Variants in UIMC1 observed in about 807,000 individuals in gnomAD.
UIMC1 encodes the protein ubiquitin interaction motif containing 1.
UIMC1 carries 42 observed loss-of-function variants against 84.9 expected under a neutral mutation model. The ratio of observed to expected loss-of-function variants is 0.49; its 90% CI spans 0.39 to 0.64. The LOEUF (loss-of-function observed/expected upper bound fraction) is 0.64, where lower values mean the gene tolerates loss of function less well. UIMC1 is among the 30% of genes least tolerant of loss of function. The pLI, the probability that UIMC1 is intolerant of heterozygous loss-of-function variation, is 0.00. For missense variants in UIMC1, 825 were observed against 847.6 expected, an observed-to-expected ratio of 0.97 and a Z score of 0.33; for synonymous variants, 281 against 293.0, an observed-to-expected ratio of 0.96 and a Z score of 0.42.
intron 2 of UIMC1, among the ~76,000 whole-genome samples, chr5:176,981,923 A>G (rs1029831882): frequency 2.6e-5 from 4 of 152,226 alleles, no homozygotes; most frequent in Non-Finnish European, 4.4e-5. Flanking sequence ...GGATAAAGGA[A>G]AAAGGTTACA....
chr5:176,908,698 T>C lies in UIMC1; in HGVS notation c.1677-4A>G, dbSNP rs751679826. On this transcript the variant is annotated splice_polypyrimidine_tract_variant and splice_region_variant and intron_variant, in intron 11 of 14. Coordinates refer to ENST00000511320, the MANE Select transcript of UIMC1 (RefSeq NM_001199298.2). The stretch of plus-strand genomic sequence containing the variant: ...ACAGAGGTAACACTTCTCATTCCTA[T>C]CCAATAAGAAAAAAGGAAGAAAACA... 1.2e-6 allele frequency: 2 copies of C among 1,607,426 alleles called. No individual in the cohort carries two copies. The highest frequency in any genetic ancestry group is 1.7e-6 in the Non-Finnish European group (2 of 1,176,490).
intron 8 of UIMC1, among the ~76,000 whole-genome samples, chr5:176,953,491 C>CACAA (rs1327736222): frequency 7.1e-6 from 1 of 140,348 alleles, no homozygotes; most frequent in African/African-American, 2.8e-5. Context: ...GAAAACTGGA[C>CACAA]ACATACACAC....
chr5:177,001,523 T>C (rs1419422397), intron 1 of UIMC1: 4 of 152,286 alleles, frequency 2.6e-5, no homozygotes, highest in African/African-American at 7.2e-5. Context: ...CAGAACGTTA[T>C]CTTAGGTTTA....
chr5:176,947,635 G>A (rs1428010254), intron 9 of UIMC1, among the ~76,000 whole-genome samples: 27 of 151,378 alleles, frequency 1.8e-4, no homozygotes, highest in African/African-American at 9.8e-5. Context: ...TGGCTAACAC[G>A]GTGAAACCCC....
chr5:176,987,218 T>C (rs1184962472), intron 1 of UIMC1, among the ~76,000 whole-genome samples: 1 of 151,920 alleles, frequency 6.6e-6, no homozygotes, highest in Non-Finnish European at 1.5e-5. Context: ...CGAAACTCCA[T>C]CTCAAAACAA....
intron 3 of UIMC1, among the ~76,000 whole-genome samples, chr5:176,974,849 T>G (rs1769815690): frequency 6.6e-6 from 1 of 151,818 alleles, no homozygotes; most frequent in Admixed American, 6.6e-5. Flanking sequence ...AAAAACAGAT[T>G]TTGCTGCTCT....
chr5:176,930,945 T>C lies in UIMC1; in HGVS notation c.1597+12390A>G, dbSNP rs527934818. Among the ~76,000 whole-genome samples, 6 of 152,226 alleles carry C rather than the reference T, an allele frequency of 3.9e-5. No individual in the cohort carries two copies. The East Asian group carries it at 7.7e-4, about 20-fold the overall frequency. On this transcript the variant is annotated intron_variant, in intron 10 of 14. Transcript: ENST00000511320. ...GTTTGCACTCAGAGGTAAAAGACTATAGCATTCTGCTTTCCTGAAACCGAC... is the reference window on the plus strand; with the variant it reads ...GTTTGCACTCAGAGGTAAAAGACTACAGCATTCTGCTTTCCTGAAACCGAC...
intron 10 of UIMC1, among the ~76,000 whole-genome samples, chr5:176,914,946 C>T (rs1236725292): frequency 1.3e-5 from 2 of 152,188 alleles, no homozygotes; most frequent in African/African-American, 4.8e-5. Flanking sequence ...AAGTGCCTTG[C>T]TAAAATCCAT....
chr5:176,951,761 T>G (rs1054964434), intron 8 of UIMC1, among the ~76,000 whole-genome samples, 184 bp from the exon 9 acceptor site: 4 of 152,204 alleles, frequency 2.6e-5, no homozygotes, highest in African/African-American at 9.6e-5. Flanking sequence ...ATAACAGAAT[T>G]CATAAATTTT....
chr5:176,939,777 T>A (rs1159061699), intron 10 of UIMC1, among the ~76,000 whole-genome samples: 1 of 152,228 alleles, frequency 6.6e-6, no homozygotes, highest in Non-Finnish European at 1.5e-5. Flanking sequence ...CTAGTTTTTA[T>A]AACAAATTTC....
intron 10 of UIMC1, among the ~76,000 whole-genome samples, chr5:176,942,508 C>T (rs1195526670): frequency 2.0e-5 from 3 of 151,314 alleles, no homozygotes; most frequent in Non-Finnish European, 2.9e-5. Context: ...TTTGGGAGGC[C>T]GAGGCAGGTG....
chr5:176,949,602 C>CT (rs1485768056), intron 9 of UIMC1, among the ~76,000 whole-genome samples: 1 of 152,182 alleles, frequency 6.6e-6, no homozygotes, highest in Non-Finnish European at 1.5e-5. Flanking sequence ...GGAGTGTCAT[C>CT]ATCTTTCCTA....
upstream of UIMC1, among the ~76,000 whole-genome samples, chr5:177,009,015 G>GT (rs543438267): frequency 3.2e-3 from 465 of 144,056 alleles, 2 homozygotes; most frequent in South Asian, 0.025. This position sits in a 1 kb window ranked among gnomAD's most constrained non-coding sequence, Gnocchi z 4.3. Flanking sequence ...GTTTTTTGGT[G>GT]TTTTTTTTTT....
At chr5:176,905,650 G>T (rs1759264676) in intron 14 of UIMC1, 158 bp from the exon 15 acceptor site, 1 of 732,440 alleles carries the variant, frequency 1.4e-6, no homozygotes, top group Non-Finnish European at 2.2e-6. Flanking sequence ...TTTCACAGAT[G>T]AGGTCACTGG....
intron 6 of UIMC1, among the ~76,000 whole-genome samples, chr5:176,966,988 C>T (rs556343111): frequency 3.1e-4 from 47 of 152,170 alleles, no homozygotes; most frequent in East Asian, 1.9e-4. Context: ...TACACTGAGA[C>T]GCCATTTTTC....
intron 14 of UIMC1, chr5:176,905,774 G>A (rs1759279365): frequency 6.4e-6 from 4 of 625,956 alleles, no homozygotes; most frequent in South Asian, 2.0e-5. Context: ...GGATAGAGAG[G>A]TACAGAAGAA....
At chr5:177,018,168 T>C (rs353469) in intron 1 of UIMC1, among the ~76,000 whole-genome samples, 64,418 of 151,492 alleles carry the variant, frequency 0.43, 13,914 homozygotes, top group East Asian at 0.48. Flanking sequence ...CTGGCCAACA[T>C]GGTAAAATCC....
chr5:176,949,814 C>T (rs1026267822), intron 9 of UIMC1, among the ~76,000 whole-genome samples: 2 of 152,124 alleles, frequency 1.3e-5, no homozygotes, highest in African/African-American at 4.8e-5. Context: ...AATCCCAGCA[C>T]TTTGGGAGGC....
At chr5:176,943,206 A>G (rs1764659092) in intron 10 of UIMC1, 129 bp downstream of exon 10, 1 of 1,240,228 alleles carries the variant, frequency 8.1e-7, no homozygotes, top group Non-Finnish European at 1.1e-6. Context: ...ACTAGATAGA[A>G]AAAACCCAAG....
Sources: gnomAD v4.1 joint callset for allele counts (sites outside exome capture counted in the v4.1 genomes callset) on GRCh38, gnomAD v4.1.1 for gene constraint, Gnocchi (gnomAD v3.1) non-coding constraint, MANE v1.5 for transcripts, NCBI Gene and HGNC (gene_info 2026-07-23, HGNC 2026-07-21) for gene names.